Variants in MPPED1 observed in about 807,000 individuals in gnomAD.
MPPED1 encodes the protein metallophosphoesterase domain containing 1.
MPPED1 carries 16 observed loss-of-function variants against 36.2 expected under a neutral mutation model. The observed-to-expected ratio is 0.44, with a 90% CI of 0.30 to 0.67. The LOEUF (loss-of-function observed/expected upper bound fraction) is 0.67, where lower values mean the gene tolerates loss of function less well. Among genes scored for constraint, MPPED1 ranks in the 30% least tolerant of loss-of-function variants. The pLI is 0.10. For synonymous variants in MPPED1, 199 were observed against 191.3 expected (o/e 1.04, Z -0.33); for missense variants, 307 against 453.4 (o/e 0.68, Z 2.93).
intron 2 of MPPED1, among the ~76,000 whole-genome samples, chr22:43,433,239 T>G (rs1178473971): frequency 3.3e-5 from 5 of 152,058 alleles, no homozygotes; most frequent in Non-Finnish European, 7.4e-5. Context: ...CAGGCCAGGT[T>G]AGGGCCTTCT....
chr22:43,499,216 A>G (rs1053619956), intron 5 of MPPED1, among the ~76,000 whole-genome samples: 9 of 134,156 alleles, frequency 6.7e-5, no homozygotes, highest in African/African-American at 2.3e-4. Context: ...GGTGATAGTC[A>G]TAGAGGTAGT....
At chr22:43,412,685 C>CCATCCATCCATT (rs1569060238) in intron 1 of MPPED1, among the ~76,000 whole-genome samples, 1 of 151,864 alleles carries the variant, frequency 6.6e-6, no homozygotes, top group African/African-American at 2.4e-5. Flanking sequence ...ATCCATCCAT[C>CCATCCATCCATT]CATCCATCCA....
chr22:43,432,908 A>AGAGAG (rs1555898642), intron 2 of MPPED1, among the ~76,000 whole-genome samples: 2 of 17,626 alleles, frequency 1.1e-4, no homozygotes, highest in African/African-American at 1.0e-4. Context: ...GAGAGAGGGA[A>AGAGAG]AGAGAAAGGG....
chr22:43,500,157 G>A (rs1602026543), intron 5 of MPPED1, among the ~76,000 whole-genome samples: 1 of 87,676 alleles, frequency 1.1e-5, no homozygotes, highest in African/African-American at 7.4e-5. Flanking sequence ...GGGGGTGGTG[G>A]TGGTGATGGT....
At chr22:43,503,261 C>A (rs1401392346) in intron 6 of MPPED1, among the ~76,000 whole-genome samples, 3 of 152,228 alleles carry the variant, frequency 2.0e-5, no homozygotes, top group Non-Finnish European at 4.4e-5. Flanking sequence ...TGGCCACGCC[C>A]TGGCCTGTTG....
chr22:43,482,796 G>C (rs1474419274), intron 4 of MPPED1, among the ~76,000 whole-genome samples: 1 of 152,252 alleles, frequency 6.6e-6, no homozygotes, highest in Non-Finnish European at 1.5e-5. Flanking sequence ...TCTGGGATGA[G>C]GCTGGGGTGG....
chr22:43,457,770 C>T (rs896445663), intron 3 of MPPED1, among the ~76,000 whole-genome samples: 1 of 152,124 alleles, frequency 6.6e-6, no homozygotes, highest in Non-Finnish European at 1.5e-5. Context: ...CATAAATATA[C>T]AAAAACTGTG....
chr22:43,500,010 A>ATGGTGG (rs1471856305), intron 5 of MPPED1, among the ~76,000 whole-genome samples: 2 of 2,324 alleles, frequency 8.6e-4, no homozygotes, highest in African/African-American at 3.7e-3. Flanking sequence ...GGCGGTGGTG[A>ATGGTGG]TGGTGGAGGT....
chr22:43,455,421 G>C (rs966201293), intron 3 of MPPED1, among the ~76,000 whole-genome samples: 1 of 152,018 alleles, frequency 6.6e-6, no homozygotes, highest in African/African-American at 2.4e-5. Context: ...ATGTCATCTT[G>C]TTACAGGGAC....
At chr22:43,482,827 C>T (rs958978339) in intron 4 of MPPED1, among the ~76,000 whole-genome samples, 4 of 152,214 alleles carry the variant, frequency 2.6e-5, no homozygotes, top group Non-Finnish European at 4.4e-5. Context: ...TGGCCTTTGA[C>T]GTCCGTTCCT....
At chr22:43,464,058 G>A (rs932040154) in intron 3 of MPPED1, among the ~76,000 whole-genome samples, 7 of 151,616 alleles carry the variant, frequency 4.6e-5, no homozygotes, top group Admixed American at 6.6e-5. Context: ...ATAGGCGCCC[G>A]CCACCACTCC....
At chr22:43,457,034 A>AT (rs1359369382) in intron 3 of MPPED1, among the ~76,000 whole-genome samples, 1 of 151,756 alleles carries the variant, frequency 6.6e-6, no homozygotes, top group African/African-American at 2.4e-5. Flanking sequence ...TTTTTTGAGG[A>AT]TTTTGAGCCT....
intron 3 of MPPED1, among the ~76,000 whole-genome samples, chr22:43,469,245 G>A (rs560444227): frequency 6.6e-6 from 1 of 152,312 alleles, no homozygotes; most frequent in South Asian, 2.1e-4. Context: ...CAGCAGGAAA[G>A]GGCAAAGAGA....
At chr22:43,412,955 G>A (rs2146805715) in intron 1 of MPPED1, among the ~76,000 whole-genome samples, 1 of 152,286 alleles carries the variant, frequency 6.6e-6, no homozygotes, top group African/African-American at 2.4e-5. Context: ...GGCAGGCCCC[G>A]GCCTGGCCTT....
At chr22:43,487,072 T>A (rs1483638369) in intron 4 of MPPED1, among the ~76,000 whole-genome samples, 2 of 152,142 alleles carry the variant, frequency 1.3e-5, no homozygotes, top group Non-Finnish European at 2.9e-5. Flanking sequence ...GAGCACCTGC[T>A]TGTTCATTTC....
intron 4 of MPPED1, among the ~76,000 whole-genome samples, chr22:43,497,208 T>C (rs1469884820): frequency 6.6e-6 from 1 of 151,716 alleles, no homozygotes; most frequent in Non-Finnish European, 1.5e-5. Flanking sequence ...ATGGTGGAGG[T>C]GGCGGTGTTG....
At chr22:43,443,630 G>A (rs551691364) in intron 3 of MPPED1, among the ~76,000 whole-genome samples, 1 of 151,894 alleles carries the variant, frequency 6.6e-6, no homozygotes. Context: ...AAGGAATGAG[G>A]AAAGAGAAGA....
intron 3 of MPPED1, among the ~76,000 whole-genome samples, chr22:43,467,816 C>T (rs1018191694): frequency 1.3e-5 from 2 of 151,846 alleles, no homozygotes; most frequent in East Asian, 1.9e-4. Flanking sequence ...AAAACTCCAC[C>T]GGGCTCAATA....
chr22:43,441,569 G>T (rs1300697421), intron 3 of MPPED1, among the ~76,000 whole-genome samples: 1 of 152,178 alleles, frequency 6.6e-6, no homozygotes, highest in African/African-American at 2.4e-5. Flanking sequence ...TAATTAAGTG[G>T]CACTACCCTT....
Sources: allele counts gnomAD v4.1 joint callset (sites outside exome capture counted in the v4.1 genomes callset), GRCh38; gene constraint gnomAD v4.1.1; transcripts MANE v1.5; gene names NCBI Gene and HGNC (gene_info 2026-07-23, HGNC 2026-07-21).